The following TXNDC16 variants were observed in gnomAD, a reference collection of about 807,000 sequenced individuals.
TXNDC16 encodes the protein thioredoxin domain containing 16, also known as thioredoxin domain-containing protein 16.
Under a neutral mutation model 85.6 loss-of-function variants are expected in TXNDC16, and 74 were observed. The ratio of observed to expected loss-of-function variants is 0.86; its 90% CI spans 0.72 to 1.05. The LOEUF is 1.05. Among genes scored for constraint, TXNDC16 ranks in the 50% least tolerant of loss-of-function variants. The pLI is 0.00. For missense variants in TXNDC16, 959 were observed against 947.0 expected (o/e 1.01, Z -0.17); for synonymous variants, 335 against 326.5 (o/e 1.03, Z -0.28).
intron 17 of TXNDC16, among the ~76,000 whole-genome samples, chr14:52,456,567 T>C (rs1300884142): frequency 6.6e-6 from 1 of 152,152 alleles, no homozygotes; most frequent in African/African-American, 2.4e-5. Context: ...AAATGGGCCA[T>C]AGAGAATGTG....
rs943195197 is a variant in TXNDC16, at chr14:52,431,724, C to T, written c.*580G>A. The T allele has an allele frequency of 1.3e-5, 2 of 152,182 alleles. No homozygotes were observed. The highest frequency in any genetic ancestry group is 2.4e-5 in the African/African-American group (1 of 41,420). The allele number at this position is 152,182 out of a possible 1,614,324, so 9.4% of individuals were successfully genotyped here. ...TAGTCATGACATCAAAAATGTCTCC[C>T]GACAATTGCTAAATATCCCCTGAGG... On this transcript the variant is annotated 3_prime_UTR_variant, in exon 21 of 21. Transcript: ENST00000281741.
intron 6 of TXNDC16, among the ~76,000 whole-genome samples, chr14:52,530,774 T>C (rs929631343): frequency 2.0e-5 from 3 of 147,778 alleles, no homozygotes; most frequent in East Asian, 2.0e-4. Flanking sequence ...TATTAGAAGA[T>C]AACAGAAGAA....
At chr14:52,540,298 A>C (rs1481831342) in intron 4 of TXNDC16, among the ~76,000 whole-genome samples, 2 of 152,152 alleles carry the variant, frequency 1.3e-5, no homozygotes, top group Non-Finnish European at 2.9e-5. Context: ...GTGACTTTCC[A>C]CCTCAAAAAT....
At chr14:52,433,589 CTAGAG>C (rs1191626952) in intron 20 of TXNDC16, among the ~76,000 whole-genome samples, 1 of 152,072 alleles carries the variant, frequency 6.6e-6, no homozygotes, top group Non-Finnish European at 1.5e-5. Context: ...TTGCAATTTC[CTAGAG>C]TAAAGCTCAA....
chr14:52,515,497 T>C (rs2037060017), intron 7 of TXNDC16, among the ~76,000 whole-genome samples: 1 of 152,116 alleles, frequency 6.6e-6, no homozygotes, highest in Admixed American at 6.6e-5. Flanking sequence ...ATGTTATTTC[T>C]GGGTTAGTTT....
At chr14:52,475,072 G>A (rs939759370) in intron 14 of TXNDC16, among the ~76,000 whole-genome samples, 1 of 152,160 alleles carries the variant, frequency 6.6e-6, no homozygotes, top group African/African-American at 2.4e-5. Flanking sequence ...TCTAGATTAC[G>A]GGAGAAGATT....
intron 17 of TXNDC16, 68 bp from the exon 18 acceptor site, chr14:52,455,530 C>T: frequency 1.3e-6 from 2 of 1,584,328 alleles, no homozygotes; most frequent in East Asian, 2.2e-5. Flanking sequence ...AAAATCTAGG[C>T]TAGGAGGTCA....
At chr14:52,452,375 T>C (rs2035431810) in intron 18 of TXNDC16, among the ~76,000 whole-genome samples, 1 of 152,084 alleles carries the variant, frequency 6.6e-6, no homozygotes, top group African/African-American at 2.4e-5. Flanking sequence ...TAGCCAAAGC[T>C]ATTCCTAAGC....
chr14:52,519,088 G>T, intron 7 of TXNDC16, 84 bp downstream of exon 7: 1 of 1,342,710 alleles, frequency 7.4e-7, no homozygotes, highest in Non-Finnish European at 1.0e-6. Context: ...TACGACTGTA[G>T]TCAAAAAAAT....
chr14:52,521,752 A>G (rs189945216), intron 6 of TXNDC16, among the ~76,000 whole-genome samples: 2 of 152,318 alleles, frequency 1.3e-5, no homozygotes, highest in Admixed American at 1.3e-4. Flanking sequence ...TTTATAAGAA[A>G]TACTTACTGA....
intron 6 of TXNDC16, among the ~76,000 whole-genome samples, chr14:52,532,457 G>A (rs747696261): frequency 1.1e-4 from 17 of 150,796 alleles, no homozygotes; most frequent in Admixed American, 4.0e-4. Context: ...TTTTTTTTGA[G>A]ACAGAGTCTC....
At position 52,470,670 on chromosome 14, in the gene TXNDC16, A is replaced by G. The variant is rs2035887126; in HGVS notation, c.1323T>C (p.Thr441=). 1.2e-6 allele frequency: 2 copies of G among 1,601,256 alleles called. No individual in the cohort carries two copies. The highest frequency in any genetic ancestry group is 1.7e-5 in the Admixed American group (1 of 57,406). The change falls in exon 15 of 21, where the codon ACT becomes ACC. Residue 441 remains threonine (T), a synonymous_variant. Transcript: ENST00000281741. The part of the protein sequence containing the change: ...DVAVKLKGTS[T]MLLTRINCAD... ...CACAGTTTATTCTAGTAAGAAGCAT[A>G]GTAGATGTGCCTAAATAAAAGGAAA...
intron 6 of TXNDC16, among the ~76,000 whole-genome samples, chr14:52,532,023 C>A (rs926614821): frequency 2.6e-5 from 4 of 151,900 alleles, no homozygotes; most frequent in Admixed American, 2.6e-4. Flanking sequence ...TGGGTGAATT[C>A]ATTTATAACA....
At chr14:52,523,894 C>A (rs1002911383) in intron 6 of TXNDC16, among the ~76,000 whole-genome samples, 3 of 152,182 alleles carry the variant, frequency 2.0e-5, no homozygotes, top group African/African-American at 7.2e-5. Flanking sequence ...TAATATATGT[C>A]ATGTACCACA....
At chr14:52,552,083 A>C (rs958322549) in intron 1 of TXNDC16, among the ~76,000 whole-genome samples, 1 of 152,142 alleles carries the variant, frequency 6.6e-6, no homozygotes, top group African/African-American at 2.4e-5. Flanking sequence ...GCCCCTTTCC[A>C]TCCCCTCGAC....
chr14:52,529,003 T>C (rs2037408733), intron 6 of TXNDC16, among the ~76,000 whole-genome samples: 1 of 147,940 alleles, frequency 6.8e-6, no homozygotes, highest in Non-Finnish European at 1.5e-5. Flanking sequence ...ACCTATTATA[T>C]ATTTTATCTA....
chr14:52,494,807 G>C (rs951216666), intron 9 of TXNDC16, among the ~76,000 whole-genome samples: 1 of 152,168 alleles, frequency 6.6e-6, no homozygotes, highest in Admixed American at 6.5e-5. Flanking sequence ...ATTACATGCA[G>C]GAAGATGTAG....
At chr14:52,526,117 C>T (rs1310204112) in intron 6 of TXNDC16, among the ~76,000 whole-genome samples, 3 of 152,146 alleles carry the variant, frequency 2.0e-5, no homozygotes, top group Non-Finnish European at 2.9e-5. Context: ...TTAACCCCAT[C>T]TAGAAGCTGG....
At chr14:52,433,800 C>T (rs1181647877) in intron 20 of TXNDC16, among the ~76,000 whole-genome samples, 1 of 152,200 alleles carries the variant, frequency 6.6e-6, no homozygotes, top group East Asian at 1.9e-4. Context: ...AAATGGATGA[C>T]ATATTTTCTT....
Sources: allele counts gnomAD v4.1 joint callset (sites outside exome capture counted in the v4.1 genomes callset), GRCh38; gene constraint gnomAD v4.1.1; transcripts MANE v1.5; gene names NCBI Gene and HGNC (gene_info 2026-07-23, HGNC 2026-07-21).